The following RPTOR variants were observed in gnomAD, a reference collection of about 807,000 sequenced individuals.
RPTOR encodes the protein regulatory-associated protein of mTOR.
Under a neutral mutation model 169.9 loss-of-function variants are expected in RPTOR, and 21 were observed. That is an observed-to-expected ratio of 0.12 (90% CI 0.09 to 0.18). RPTOR has a LOEUF of 0.18. Ranked by LOEUF, RPTOR falls within the 10% of genes least tolerant of loss-of-function variation. The pLI, the probability that RPTOR is intolerant of heterozygous loss-of-function variation, is 1.00. For missense variants in RPTOR, 1,133 were observed against 1,855.9 expected, an observed-to-expected ratio of 0.61 and a Z score of 7.16; for synonymous variants, 732 against 753.2, an observed-to-expected ratio of 0.97 and a Z score of 0.46.
At chr17:80,719,283 G>GC (rs2066265372) in intron 4 of RPTOR, among the ~76,000 whole-genome samples, 2 of 152,166 alleles carry the variant, frequency 1.3e-5, no homozygotes, top group Admixed American at 6.5e-5. Flanking sequence ...GTACCTGTCA[G>GC]CCCGGGGGAA....
chr17:80,769,177 CT>C (rs1445785049), intron 6 of RPTOR, among the ~76,000 whole-genome samples: 1 of 152,204 alleles, frequency 6.6e-6, no homozygotes, highest in East Asian at 1.9e-4. Flanking sequence ...CAGAACCAAG[CT>C]GGCAAGTAGA....
intron 2 of RPTOR, among the ~76,000 whole-genome samples, chr17:80,634,283 T>TGTGTGCATACTGTGTGC (rs2065469940): frequency 1.7e-5 from 2 of 120,328 alleles, no homozygotes; most frequent in East Asian, 2.1e-4. Context: ...GCGTACTGTG[T>TGTGTGCATACTGTGTGC]GTGTGCGTAC....
chr17:80,799,811 G>A (rs2067138211), intron 7 of RPTOR, among the ~76,000 whole-genome samples: 1 of 152,184 alleles, frequency 6.6e-6, no homozygotes, highest in African/African-American at 2.4e-5. Context: ...AGCGTGTGAA[G>A]GATGGTCCTG....
intron 33 of RPTOR, among the ~76,000 whole-genome samples, 164 bp downstream of exon 33, chr17:80,963,221 C>G (rs970559274): frequency 6.6e-6 from 1 of 152,104 alleles, no homozygotes; most frequent in Non-Finnish European, 1.5e-5. Flanking sequence ...TCTCTAGGGC[C>G]CCTGCCCCAC....
chr17:80,577,374 T>C (rs1269479056), intron 1 of RPTOR, among the ~76,000 whole-genome samples: 3 of 152,146 alleles, frequency 2.0e-5, no homozygotes, highest in Non-Finnish European at 2.9e-5. Flanking sequence ...GATGGAATTC[T>C]AGAGTGATGT....
chr17:80,545,811 A>G lies in RPTOR; in HGVS notation c.162+20A>G, dbSNP rs1225037756. 1 of 1,563,206 alleles carries G rather than the reference A, an allele frequency of 6.4e-7. No individual in the cohort carries two copies. ...GATCGGGTAAGTGGATTCTGAAGGCACCCCTTGAACTTGGTAGTTTCCCCA... is the reference window on the plus strand; with the variant it reads ...GATCGGGTAAGTGGATTCTGAAGGCGCCCCTTGAACTTGGTAGTTTCCCCA... On this transcript the variant is annotated intron_variant, in intron 1 of 33. Coordinates refer to ENST00000306801, the MANE Select transcript of RPTOR (RefSeq NM_020761.3).
At chr17:80,709,683 TTC>T (rs907518991) in intron 4 of RPTOR, among the ~76,000 whole-genome samples, 4 of 152,116 alleles carry the variant, frequency 2.6e-5, no homozygotes, top group African/African-American at 9.7e-5. Flanking sequence ...CTGCCCACCT[TTC>T]TCTCCAGCAC....
chr17:80,665,766 C>T (rs1057391127), intron 3 of RPTOR, among the ~76,000 whole-genome samples: 6 of 151,994 alleles, frequency 3.9e-5, no homozygotes, highest in South Asian at 2.1e-4. Flanking sequence ...AGGATGGTCT[C>T]GATCTCCTGA....
intron 5 of RPTOR, among the ~76,000 whole-genome samples, chr17:80,752,153 T>C (rs1192659280): frequency 1.3e-5 from 2 of 152,226 alleles, no homozygotes; most frequent in East Asian, 1.9e-4. Context: ...TCACAGCCTG[T>C]GGTGTGTTCT....
At chr17:80,849,264 C>G (rs574480980) in intron 11 of RPTOR, among the ~76,000 whole-genome samples, 9 of 152,306 alleles carry the variant, frequency 5.9e-5, no homozygotes, top group Admixed American at 3.3e-4. Context: ...TTTTCTCACT[C>G]GCTTCCGGTT....
In RPTOR at chr17:80,906,577, CAT is replaced by C. The variant is rs75830539; in HGVS notation, c.2402-2233_2402-2232del. ...GCACAGGGACCGCCGGCCAGGCACA[CAT>C]GTGTATGGGCAAGACCCGCAGGGGA... On this transcript the variant is annotated intron_variant, in intron 20 of 33. Coordinates refer to ENST00000306801, the MANE Select transcript of RPTOR (RefSeq NM_020761.3). Among the ~76,000 whole-genome samples, 77 of 152,348 alleles carry C rather than the reference CAT, an allele frequency of 5.1e-4. No homozygotes were observed. The East Asian group carries it at 9.8e-3, about 19-fold the overall frequency.
intron 9 of RPTOR, among the ~76,000 whole-genome samples, chr17:80,825,726 G>A (rs765430017): frequency 2.6e-5 from 4 of 152,330 alleles, no homozygotes; most frequent in Non-Finnish European, 4.4e-5. Context: ...TGGACACTCC[G>A]GCTTTTCTCC....
chr17:80,677,568 A>G (rs374657940), intron 3 of RPTOR, among the ~76,000 whole-genome samples: 3 of 151,192 alleles, frequency 2.0e-5, no homozygotes, highest in African/African-American at 7.3e-5. Flanking sequence ...CTCCAGCCTC[A>G]CCTCCCACCT....
chr17:80,839,836 A>G (rs998268901), intron 10 of RPTOR, among the ~76,000 whole-genome samples: 8 of 152,190 alleles, frequency 5.3e-5, no homozygotes, highest in African/African-American at 9.7e-5. Flanking sequence ...GCTCTTTCTA[A>G]ACGAATACTT....
At chr17:80,621,487 C>T (rs977275891) in intron 1 of RPTOR, among the ~76,000 whole-genome samples, 2 of 152,226 alleles carry the variant, frequency 1.3e-5, no homozygotes, top group African/African-American at 4.8e-5. Flanking sequence ...CTGCCGCCTC[C>T]CCAGCCCCGA....
chr17:80,582,665 C>T (rs1455099935), intron 1 of RPTOR, among the ~76,000 whole-genome samples: 1 of 151,396 alleles, frequency 6.6e-6, no homozygotes, highest in Non-Finnish European at 1.5e-5. Flanking sequence ...CCTGCCTCAG[C>T]CTCCCGAGTA....
At chr17:80,679,342 A>G (rs1010784353) in intron 3 of RPTOR, among the ~76,000 whole-genome samples, 3 of 152,224 alleles carry the variant, frequency 2.0e-5, no homozygotes, top group African/African-American at 7.2e-5. Context: ...CCTGGAGGGC[A>G]GTCGGCTGGC....
chr17:80,829,994 G>A (rs114008286), intron 9 of RPTOR, among the ~76,000 whole-genome samples: 1,592 of 152,254 alleles, frequency 0.01, 26 homozygotes, highest in African/African-American at 0.036. Flanking sequence ...TCCATTTAAT[G>A]CTGAAAATTA....
chr17:80,796,043 G>A lies in RPTOR; in HGVS notation c.890+4534G>A, dbSNP rs139746992. The stretch of plus-strand genomic sequence containing the variant: ...GCCCTGGCCCCACCACAGTTAGAGA[G>A]AGATGGCAAGGCGCCAGAGAGGCCG... On this transcript the variant is annotated intron_variant, in intron 7 of 33. Transcript: ENST00000306801. Among the ~76,000 whole-genome samples the A allele has an allele frequency of 9.2e-3, 1,406 of 152,328 alleles. 16 individuals are homozygous for A. The highest frequency in any genetic ancestry group is 0.011 in the Non-Finnish European group (748 of 68,020).
Sources: gnomAD v4.1 joint callset for allele counts (sites outside exome capture counted in the v4.1 genomes callset) on GRCh38, gnomAD v4.1.1 for gene constraint, MANE v1.5 for transcripts, NCBI Gene and HGNC (gene_info 2026-07-23, HGNC 2026-07-21) for gene names.